GPC5: variants seen among roughly 807,000 people sequenced by gnomAD.
GPC5 encodes the protein glypican 5.
Under a neutral mutation model 53.9 loss-of-function variants are expected in GPC5, and 47 were observed. That is an observed-to-expected ratio of 0.87 (90% CI 0.69 to 1.11). The LOEUF is 1.11. GPC5 is among the 50% of genes most tolerant of loss of function. GPC5 has a pLI of 0.00. For missense variants in GPC5, 748 were observed against 713.1 expected (o/e 1.05, Z -0.56); for synonymous variants, 286 against 263.3 (o/e 1.09, Z -0.84).
chr13:92,423,158 A>T (rs953805986), intron 7 of GPC5, among the ~76,000 whole-genome samples: 1 of 152,280 alleles, frequency 6.6e-6, no homozygotes, highest in South Asian at 2.1e-4. Flanking sequence ...TAATCTATTT[A>T]TAAGGGGTGT....
intron 2 of GPC5, among the ~76,000 whole-genome samples, chr13:91,627,010 T>TATGGCTGCA: frequency 3.1e-3 from 43 of 13,806 alleles, no homozygotes; most frequent in South Asian, 4.3e-3. Context: ...CATCATTTTT[T>TATGGCTGCA]TTTTTTTTTT....
intron 6 of GPC5, among the ~76,000 whole-genome samples, chr13:91,999,823 T>C (rs1184139420): frequency 6.6e-6 from 1 of 152,238 alleles, no homozygotes; most frequent in African/African-American, 2.4e-5. Context: ...CTATATTCTG[T>C]AGTGGCAACA....
chr13:91,784,049 G>C (rs1375032425), intron 5 of GPC5, among the ~76,000 whole-genome samples: 1 of 152,106 alleles, frequency 6.6e-6, no homozygotes, highest in Non-Finnish European at 1.5e-5. Context: ...TTAAAACAGA[G>C]ATATATTAGA....
chr13:92,378,819 A>G (rs1049417199), intron 7 of GPC5, among the ~76,000 whole-genome samples: 1 of 152,196 alleles, frequency 6.6e-6, no homozygotes, highest in Non-Finnish European at 1.5e-5. Context: ...AGTTTATGGC[A>G]TATAGTACAT....
intron 2 of GPC5, among the ~76,000 whole-genome samples, chr13:91,553,289 A>C (rs2030755775): frequency 1.0e-5 from 1 of 97,812 alleles, no homozygotes; most frequent in Non-Finnish European, 2.1e-5. Context: ...CTCATTTCTC[A>C]GAAGAGAATG....
intron 7 of GPC5, among the ~76,000 whole-genome samples, chr13:92,512,361 G>A (rs1196360726): frequency 1.3e-5 from 2 of 151,908 alleles, no homozygotes; most frequent in Non-Finnish European, 2.9e-5. Context: ...AGCTACAGAA[G>A]GAACAATTAA....
chr13:91,627,150 C>T lies in GPC5; in HGVS notation c.326-66037C>T, dbSNP rs1422970709. Among the ~76,000 whole-genome samples, 2 of 19,648 alleles carry T rather than the reference C, an allele frequency of 1.0e-4. 1 individual carries two copies. The highest frequency in any genetic ancestry group is 1.4e-4 in the Non-Finnish European group (2 of 14,234). The allele number at this position is 19,648 out of a possible 152,430, so 12.9% of individuals were successfully genotyped here. On this transcript the variant is annotated intron_variant, in intron 2 of 7. Transcript: ENST00000377067. Reference sequence around the variant, plus strand: ...GGTTCACGCCATTCTGCTGCCTCAGCCTCCCGAGTAGCTGGGACTACAGGC... The same window carrying T: ...GGTTCACGCCATTCTGCTGCCTCAGTCTCCCGAGTAGCTGGGACTACAGGC...
intron 2 of GPC5, among the ~76,000 whole-genome samples, chr13:91,627,880 C>A (rs1369707411): frequency 6.6e-6 from 1 of 151,998 alleles, no homozygotes; most frequent in Non-Finnish European, 1.5e-5. Flanking sequence ...TTACATAATT[C>A]TAAGTAATTA....
intron 7 of GPC5, among the ~76,000 whole-genome samples, chr13:92,700,192 G>T (rs1887684021): frequency 6.7e-6 from 1 of 149,134 alleles, no homozygotes; most frequent in Non-Finnish European, 1.5e-5. Context: ...GCCCTTATTT[G>T]TCTCTTTTGA....
Position 92,133,101 on chromosome 13 carries a change from C to T in GPC5, c.1402-11729C>T, listed in dbSNP as rs528237663. Among the ~76,000 whole-genome samples the T allele has an allele frequency of 2.6e-5, 4 of 152,198 alleles. No individual in the cohort carries two copies. In the South Asian group the frequency reaches 8.3e-4, roughly 32 times the overall value. On this transcript the variant is annotated intron_variant, in intron 6 of 7. Transcript: ENST00000377067. ...GAGAAATATTGACCAGAATCGTAGT[C>T]AAATACCCACCTACCCCCTTTCCAA...
chr13:92,767,790 C>T (rs919940054), intron 7 of GPC5, among the ~76,000 whole-genome samples: 6 of 152,156 alleles, frequency 3.9e-5, no homozygotes, highest in Non-Finnish European at 8.8e-5. Context: ...TATGTCTATA[C>T]CTGAGTGGAA....
intron 2 of GPC5, among the ~76,000 whole-genome samples, chr13:91,556,911 G>A (rs1024816337): frequency 2.6e-5 from 4 of 151,838 alleles, no homozygotes; most frequent in African/African-American, 4.8e-5. Flanking sequence ...CTCACAAATT[G>A]CCACTAAAGA....
chr13:91,519,910 AAG>A (rs1301519529), intron 2 of GPC5, among the ~76,000 whole-genome samples: 1 of 152,226 alleles, frequency 6.6e-6, no homozygotes, highest in East Asian at 1.9e-4. Context: ...CAAGGAAAAA[AAG>A]AACTTATCAA....
At chr13:91,783,264 A>C (rs2037826799) in intron 5 of GPC5, among the ~76,000 whole-genome samples, 1 of 152,054 alleles carries the variant, frequency 6.6e-6, no homozygotes, top group Admixed American at 6.6e-5. Context: ...CAATAAATAA[A>C]TAAATAAATA....
intron 7 of GPC5, among the ~76,000 whole-genome samples, chr13:92,174,578 CAA>C (rs1328334997): frequency 6.7e-6 from 1 of 149,652 alleles, no homozygotes; most frequent in African/African-American, 2.5e-5. Flanking sequence ...ACAAAAAAAA[CAA>C]AATTTAAATA....
rs886138135 is a variant in GPC5 at position 92,325,098 on chromosome 13, C to A, written c.1561+180109C>A. On this transcript the variant is annotated intron_variant, in intron 7 of 7. Transcript: ENST00000377067. ...GAAGGAGAGAACATACCTTTAATAA[C>A]TTCTGACACACACACACACACACAC... Among the ~76,000 whole-genome samples, 3 of 118,564 alleles carry A rather than the reference C, an allele frequency of 2.5e-5. No homozygotes were observed. The East Asian group carries it at 7.1e-4, about 28-fold the overall frequency. The allele number at this position is 118,564 out of a possible 152,430, so 77.8% of individuals were successfully genotyped here.
At chr13:92,591,649 C>T (rs1033387494) in intron 7 of GPC5, among the ~76,000 whole-genome samples, 5 of 152,056 alleles carry the variant, frequency 3.3e-5, no homozygotes, top group African/African-American at 1.2e-4. Flanking sequence ...TATATATCAT[C>T]ATTAGTTATA....
chr13:92,229,991 C>G (rs891612879), intron 7 of GPC5, among the ~76,000 whole-genome samples: 8 of 151,956 alleles, frequency 5.3e-5, no homozygotes, highest in Non-Finnish European at 1.0e-4. Context: ...ATGCTAATAC[C>G]TCTGAAGATA....
At chr13:91,744,573 A>C (rs1180041454) in intron 4 of GPC5, among the ~76,000 whole-genome samples, 1 of 152,174 alleles carries the variant, frequency 6.6e-6, no homozygotes, top group Non-Finnish European at 1.5e-5. Context: ...GGGTGGAGGT[A>C]AACAGGAATA....
Sources: allele counts gnomAD v4.1 joint callset (sites outside exome capture counted in the v4.1 genomes callset), GRCh38; gene constraint gnomAD v4.1.1; transcripts MANE v1.5; gene names NCBI Gene and HGNC (gene_info 2026-07-23, HGNC 2026-07-21).